The following PTPRT variants were observed in gnomAD, a reference collection of about 807,000 sequenced individuals.
PTPRT encodes receptor-type tyrosine-protein phosphatase T.
A neutral mutation model predicts 176.8 loss-of-function variants in PTPRT; 56 were observed. The ratio of observed to expected loss-of-function variants is 0.32; its 90% CI spans 0.26 to 0.40. The LOEUF (loss-of-function observed/expected upper bound fraction) is 0.40. Among genes scored for constraint, PTPRT ranks in the 10% least tolerant of loss-of-function variants. The pLI, the probability that PTPRT is intolerant of heterozygous loss-of-function variation, is 1.00. For missense variants in PTPRT, 1,540 were observed against 1,908.2 expected (o/e 0.81, Z 3.60); for synonymous variants, 783 against 739.0 (o/e 1.06, Z -0.96).
chr20:43,118,420 G>A (rs116774060), intron 1 of PTPRT, among the ~76,000 whole-genome samples: 6 of 152,090 alleles, frequency 3.9e-5, no homozygotes, highest in Middle Eastern at 3.2e-3. Flanking sequence ...CTCACGGGTC[G>A]ATGAAATAGG....
chr20:42,706,281 T>C (rs1413991695), intron 6 of PTPRT, among the ~76,000 whole-genome samples: 1 of 151,906 alleles, frequency 6.6e-6, no homozygotes, highest in Non-Finnish European at 1.5e-5. Context: ...GCAGATGTTC[T>C]TGTAGCATCT....
chr20:42,190,151 C>A (rs1990939067), intron 16 of PTPRT, among the ~76,000 whole-genome samples: 1 of 152,142 alleles, frequency 6.6e-6, no homozygotes, highest in Admixed American at 6.5e-5. Context: ...CTCCCAGATT[C>A]AATTTAATCT....
intron 1 of PTPRT, among the ~76,000 whole-genome samples, chr20:42,977,873 T>C (rs1022851346): frequency 6.6e-6 from 1 of 152,262 alleles, no homozygotes; most frequent in African/African-American, 2.4e-5. Context: ...TCTCTAATTG[T>C]TTCCCTAAAC....
At chr20:42,798,686 T>C (rs1263960320) in intron 2 of PTPRT, among the ~76,000 whole-genome samples, 1 of 152,162 alleles carries the variant, frequency 6.6e-6, no homozygotes, top group Admixed American at 6.5e-5. Flanking sequence ...TTGAATATTG[T>C]GAACATTTTG....
At chr20:43,182,834 C>A (rs968256478) in intron 1 of PTPRT, among the ~76,000 whole-genome samples, 1 of 150,752 alleles carries the variant, frequency 6.6e-6, no homozygotes, top group African/African-American at 2.4e-5. Context: ...ACCAAAGGCG[C>A]AAAAAAAACA....
intron 9 of PTPRT, among the ~76,000 whole-genome samples, chr20:42,397,402 G>T (rs1195373827): frequency 6.6e-6 from 1 of 152,308 alleles, no homozygotes; most frequent in African/African-American, 2.4e-5. Context: ...CTGTCACCCA[G>T]GTAGTGAGTG....
intron 1 of PTPRT, among the ~76,000 whole-genome samples, chr20:43,180,339 C>A (rs940953685): frequency 7.0e-6 from 1 of 142,410 alleles, no homozygotes; most frequent in African/African-American, 2.6e-5. Flanking sequence ...AGAAATGAAT[C>A]AATCTCTCTC....
Position 42,315,915 on chromosome 20 carries a change from G to C in PTPRT, c.1947C>G (p.Pro649=). 1 of 1,614,104 alleles carries C rather than the reference G, an allele frequency of 6.2e-7. No homozygotes were observed. Residue 649 remains proline, a synonymous_variant, in exon 12 of 31, where the codon CCC becomes CCG. Transcript: ENST00000373187. The stretch of plus-strand genomic sequence containing the variant: ...GGCTGGAGGCATTCCGATAGCTCAC[G>C]GGCACCGAAAAGCACTCAATAATGT... The part of the protein sequence containing the change: ...AADIIECFSV[P]VSYRNASSLD...
chr20:42,483,246 A>C (rs1476380260), intron 7 of PTPRT, among the ~76,000 whole-genome samples: 1 of 152,026 alleles, frequency 6.6e-6, no homozygotes, highest in Non-Finnish European at 1.5e-5. Context: ...GCTCACTGCA[A>C]CTTCCACTTC....
At chr20:42,870,257 T>C (rs570933595) in intron 2 of PTPRT, among the ~76,000 whole-genome samples, 3 of 152,344 alleles carry the variant, frequency 2.0e-5, no homozygotes, top group Admixed American at 2.0e-4. Context: ...AATCATACAG[T>C]ACATGTTATT....
chr20:43,085,128 A>T (rs932027258), intron 1 of PTPRT, among the ~76,000 whole-genome samples: 9 of 152,190 alleles, frequency 5.9e-5, no homozygotes. Flanking sequence ...TGGTTTTATT[A>T]AACTCCAGAG....
In PTPRT at chr20:42,161,559, G is replaced by T. The variant is rs200131278; in HGVS notation, c.2492-17C>A. ...TGCCATCTGCTTCGAAAAGAAGGAG[G>T]CAGAACAGATCATCACCTATAGAAG... is the stretch of plus-strand genomic sequence containing the variant. On this transcript the variant is annotated splice_polypyrimidine_tract_variant and intron_variant, in intron 16 of 30. Coordinates refer to ENST00000373187, the MANE Select transcript of PTPRT (RefSeq NM_007050.6). 430 of 1,586,206 alleles carry T rather than the reference G, an allele frequency of 2.7e-4. No individual in the cohort carries two copies. The highest frequency in any genetic ancestry group is 3.4e-4 in the Non-Finnish European group (395 of 1,167,022).
chr20:42,188,763 G>A (rs1345945498), intron 16 of PTPRT, among the ~76,000 whole-genome samples: 1 of 152,130 alleles, frequency 6.6e-6, no homozygotes, highest in African/African-American at 2.4e-5. Flanking sequence ...CCACCTGTGA[G>A]GTGTAGAGAA....
At chr20:42,720,036 A>G (rs192884257) in intron 6 of PTPRT, among the ~76,000 whole-genome samples, 3 of 152,324 alleles carry the variant, frequency 2.0e-5, no homozygotes, top group Admixed American at 1.3e-4. Flanking sequence ...TGTAAGAAAT[A>G]ACAAGTTTCA....
intron 5 of PTPRT, among the ~76,000 whole-genome samples, chr20:42,757,165 T>C (rs1321560359): frequency 6.6e-6 from 1 of 151,848 alleles, no homozygotes; most frequent in Non-Finnish European, 1.5e-5. Context: ...ACAGGCCTGG[T>C]GGTAAGAAGA....
At chr20:42,875,342 C>T (rs936290711) in intron 2 of PTPRT, among the ~76,000 whole-genome samples, 2 of 152,164 alleles carry the variant, frequency 1.3e-5, no homozygotes, top group Admixed American at 6.5e-5. Context: ...ACTAAACCTG[C>T]GTTCAATTTC....
chr20:43,103,750 GTAATAATAATAA>G, intron 1 of PTPRT, among the ~76,000 whole-genome samples: 2 of 146,090 alleles, frequency 1.4e-5, no homozygotes, highest in East Asian at 4.0e-4. Flanking sequence ...GGGGAGATCA[GTAATAATAATAA>G]TAATAATAAT....
At position 42,615,463 on chromosome 20, in the gene PTPRT, G is replaced by T. The variant is rs1432313373; in HGVS notation, c.1153+62403C>A. Among the ~76,000 whole-genome samples, 6 of 138,700 alleles carry T rather than the reference G, an allele frequency of 4.3e-5. 2 individuals carry two copies. Among genetic ancestry groups the T allele is most frequent in the African/African-American group, 1.9e-4 (6 of 31,958 alleles). 91.0% of individuals were successfully genotyped at this position (138,700 alleles called of 152,430 possible). On this transcript the variant is annotated intron_variant, in intron 7 of 30. Transcript: ENST00000373187. ...TTGGGTATATACCCAGTAATGGGAT[G>T]GCTGGGTCAAATGGTATTTCTAGTT...
chr20:42,935,698 C>T (rs1980143373), intron 1 of PTPRT, among the ~76,000 whole-genome samples: 2 of 152,170 alleles, frequency 1.3e-5, no homozygotes, highest in Admixed American at 1.3e-4. Flanking sequence ...AAACATTTCT[C>T]GTCTAGTCCG....
Sources: allele counts gnomAD v4.1 joint callset (sites outside exome capture counted in the v4.1 genomes callset), GRCh38; gene constraint gnomAD v4.1.1; transcripts MANE v1.5; gene names NCBI Gene and HGNC (gene_info 2026-07-23, HGNC 2026-07-21).